Variants in CDH18 observed in about 807,000 individuals in gnomAD.
CDH18 encodes the protein cadherin-18.
A neutral mutation model predicts 67.9 loss-of-function variants in CDH18; 31 were observed. That is an observed-to-expected ratio of 0.46 (90% CI 0.34 to 0.62). CDH18 has a LOEUF of 0.62. CDH18 is among the 20% of genes least tolerant of loss of function. CDH18 has a pLI of 0.01. For missense variants in CDH18, 890 were observed against 975.5 expected, an observed-to-expected ratio of 0.91 and a Z score of 1.17; for synonymous variants, 362 against 347.2, an observed-to-expected ratio of 1.04 and a Z score of -0.48.
At chr5:19,918,474 A>C (rs974103600) in intron 2 of CDH18, among the ~76,000 whole-genome samples, 1 of 152,200 alleles carries the variant, frequency 6.6e-6, no homozygotes, top group African/African-American at 2.4e-5. Context: ...GCAAATGAAT[A>C]AACATAATTC....
chr5:20,363,434 G>A (rs1342624080), intron 1 of CDH18, among the ~76,000 whole-genome samples: 1 of 121,792 alleles, frequency 8.2e-6, no homozygotes, highest in African/African-American at 3.2e-5. Context: ...GCAGCGAGCT[G>A]AAACTGCACC....
At chr5:19,508,379 A>G (rs1744571571) in intron 10 of CDH18, among the ~76,000 whole-genome samples, 1 of 152,050 alleles carries the variant, frequency 6.6e-6, no homozygotes, top group Admixed American at 6.6e-5. Context: ...TTACCTTGCT[A>G]TTTCTTTGTC....
chr5:19,856,953 T>C (rs991249303), intron 2 of CDH18, among the ~76,000 whole-genome samples: 2 of 152,080 alleles, frequency 1.3e-5, no homozygotes, highest in Admixed American at 6.6e-5. Flanking sequence ...TTGGGCAAGA[T>C]CACTCACGAT....
At chr5:19,530,376 C>A (rs1030523184) in intron 9 of CDH18, among the ~76,000 whole-genome samples, 1 of 150,802 alleles carries the variant, frequency 6.6e-6, no homozygotes, top group Non-Finnish European at 1.5e-5. Context: ...AAGAATTATT[C>A]GAAAAAAACA....
At chr5:20,491,528 G>A (rs985851685) in intron 1 of CDH18, among the ~76,000 whole-genome samples, 1 of 152,202 alleles carries the variant, frequency 6.6e-6, no homozygotes, top group South Asian at 2.1e-4. Context: ...GGCAGGTGGA[G>A]ACCAAGGAAA....
At chr5:20,552,616 AG>A (rs1484073055) in intron 1 of CDH18, among the ~76,000 whole-genome samples, 1 of 152,244 alleles carries the variant, frequency 6.6e-6, no homozygotes, top group East Asian at 1.9e-4. Flanking sequence ...ACTTCAAAAA[AG>A]TTATAAACTC....
At chr5:19,499,981 T>C (rs997552414) in intron 11 of CDH18, among the ~76,000 whole-genome samples, 2 of 152,210 alleles carry the variant, frequency 1.3e-5, no homozygotes, top group Admixed American at 6.6e-5. Flanking sequence ...CAGAAAGTAA[T>C]AATTTTTTTC....
chr5:19,926,203 G>A (rs1166562865), intron 2 of CDH18, among the ~76,000 whole-genome samples: 1 of 152,064 alleles, frequency 6.6e-6, no homozygotes, highest in Admixed American at 6.6e-5. Flanking sequence ...GGTCAACTGT[G>A]TATTCACTAA....
chr5:20,409,045 G>T (rs1339672683), intron 1 of CDH18, among the ~76,000 whole-genome samples: 3 of 151,782 alleles, frequency 2.0e-5, no homozygotes, highest in African/African-American at 7.2e-5. Context: ...AGATATGTAT[G>T]CCTCTAACAT....
intron 2 of CDH18, among the ~76,000 whole-genome samples, chr5:20,115,543 C>T (rs2126376116): frequency 6.6e-6 from 1 of 151,942 alleles, no homozygotes. Flanking sequence ...TCTTAAAGTG[C>T]TGGGATTACA....
At chr5:20,047,890 G>A (rs1377423847) in intron 2 of CDH18, among the ~76,000 whole-genome samples, 1 of 151,674 alleles carries the variant, frequency 6.6e-6, no homozygotes, top group Non-Finnish European at 1.5e-5. Flanking sequence ...ATGCAGGTTA[G>A]GGCACTAATT....
intron 1 of CDH18, among the ~76,000 whole-genome samples, chr5:20,394,450 C>T (rs1001852764): frequency 6.6e-6 from 1 of 152,044 alleles, no homozygotes; most frequent in African/African-American, 2.4e-5. Flanking sequence ...GAATTAAATA[C>T]TTTAAGATCT....
intron 1 of CDH18, among the ~76,000 whole-genome samples, chr5:20,551,275 TAGA>T (rs149721220): frequency 0.048 from 7,272 of 152,208 alleles, 562 homozygotes; most frequent in African/African-American, 0.16. Context: ...ATATGTGGGT[TAGA>T]AGGACGCTTG....
chr5:19,508,389 C>T (rs1361286776), intron 10 of CDH18, among the ~76,000 whole-genome samples: 1 of 151,934 alleles, frequency 6.6e-6, no homozygotes, highest in Non-Finnish European at 1.5e-5. Flanking sequence ...ATTTCTTTGT[C>T]CAATTGCTTT....
chr5:19,739,615 C>T (rs944651798), intron 4 of CDH18, among the ~76,000 whole-genome samples: 3 of 152,170 alleles, frequency 2.0e-5, no homozygotes, highest in Non-Finnish European at 4.4e-5. Flanking sequence ...CTAACTTACA[C>T]AGAAGAATAG....
Position 20,254,001 on chromosome 5 carries a change from G to A in CDH18, c.-518+1443C>T, listed in dbSNP as rs373489720. Among the ~76,000 whole-genome samples the A allele has an allele frequency of 1.8e-3, 272 of 152,294 alleles. 2 individuals carry two copies. Among genetic ancestry groups the A allele is most frequent in the African/African-American group, 6.3e-3 (260 of 41,576 alleles). On this transcript the variant is annotated intron_variant, in intron 2 of 14. Transcript: ENST00000507958. ...AGTTCTTAAAGGAAGCTAGAGAGAAGGGTCAAATCATGTACAAAGTCATGT... is the reference window on the plus strand; with the variant it reads ...AGTTCTTAAAGGAAGCTAGAGAGAAAGGTCAAATCATGTACAAAGTCATGT...
At chr5:19,689,664 C>T (rs1274301613) in intron 5 of CDH18, among the ~76,000 whole-genome samples, 1 of 151,620 alleles carries the variant, frequency 6.6e-6, no homozygotes, top group African/African-American at 2.4e-5. Context: ...TACAAAAAAA[C>T]CACCAAACCA....
At chr5:20,514,300 T>G (rs138613461) in intron 1 of CDH18, among the ~76,000 whole-genome samples, 1 of 152,186 alleles carries the variant, frequency 6.6e-6, no homozygotes, top group East Asian at 1.9e-4. Context: ...CTCCTGGAGG[T>G]AAGCGGTGTG....
At chr5:19,741,307 A>G (rs1769170887) in intron 4 of CDH18, among the ~76,000 whole-genome samples, 1 of 134,162 alleles carries the variant, frequency 7.5e-6, no homozygotes, top group Non-Finnish European at 1.6e-5. Flanking sequence ...ATATGTACAT[A>G]TATACATGTG....
Sources: allele counts gnomAD v4.1 joint callset (sites outside exome capture counted in the v4.1 genomes callset), GRCh38; gene constraint gnomAD v4.1.1; transcripts MANE v1.5; gene names NCBI Gene and HGNC (gene_info 2026-07-23, HGNC 2026-07-21).